HPRT1: variants seen among roughly 807,000 people sequenced by gnomAD.
HPRT1 encodes hypoxanthine-guanine phosphoribosyltransferase.
In HPRT1, 4 loss-of-function variants were observed where a neutral mutation model predicts 19.0. That is an observed-to-expected ratio of 0.21 (90% confidence interval 0.10 to 0.48). The LOEUF (loss-of-function observed/expected upper bound fraction) is 0.48. Ranked by LOEUF, HPRT1 falls within the 20% of genes least tolerant of loss-of-function variation. The pLI is 0.98. For synonymous variants in HPRT1, 53 were observed against 54.9 expected (o/e 0.97, Z 0.15); for missense variants, 65 against 164.0 (o/e 0.40, Z 3.30).
chrX:134,476,731 G>A (rs1394297111), intron 3 of HPRT1, among the ~76,000 whole-genome samples: 1 of 111,547 alleles, frequency 9.0e-6, no homozygotes, highest in Non-Finnish European at 1.9e-5. Flanking sequence ...AGCAAAATAG[G>A]GGAGTTTAAC....
intron 3 of HPRT1, among the ~76,000 whole-genome samples, chrX:134,477,024 A>G (rs1363056577): frequency 2.5e-5 from 2 of 79,078 alleles, no homozygotes; most frequent in Admixed American, 1.3e-4. Context: ...TGTTTATTTT[A>G]TTTTATTTTA....
chrX:134,480,452 ATGT>A (rs1469508947), intron 3 of HPRT1, among the ~76,000 whole-genome samples: 3 of 76,572 alleles, frequency 3.9e-5, no homozygotes, highest in African/African-American at 1.8e-4. Context: ...TTAATTAGAA[ATGT>A]TTTTTTTTTT....
intron 1 of HPRT1, among the ~76,000 whole-genome samples, chrX:134,466,083 G>A (rs902854139): frequency 9.2e-6 from 1 of 109,234 alleles, no homozygotes; most frequent in Non-Finnish European, 1.9e-5. Context: ...AGAAGAAGTC[G>A]GGAGGGTTGG....
chrX:134,460,788 C>T (rs1199715264), intron 1 of HPRT1, among the ~76,000 whole-genome samples: 1 of 109,524 alleles, frequency 9.1e-6, no homozygotes, highest in Non-Finnish European at 1.9e-5. Context: ...AAGCGACCAC[C>T]TGGGAGGGCG....
intron 6 of HPRT1, 62 bp downstream of exon 6, chrX:134,493,652 T>G: frequency 1.4e-6 from 1 of 716,931 alleles, no homozygotes; most frequent in East Asian, 3.2e-5. Flanking sequence ...AGTGATTGCT[T>G]CTTTTTAAGG....
chrX:134,497,001 T>A (rs1196444358), intron 6 of HPRT1, among the ~76,000 whole-genome samples: 4 of 112,333 alleles, frequency 3.6e-5, no homozygotes, highest in African/African-American at 1.3e-4. Context: ...TCTGTAGTTT[T>A]TTTTAAATGG....
intron 6 of HPRT1, among the ~76,000 whole-genome samples, chrX:134,497,672 C>T (rs1385064474): frequency 5.5e-5 from 6 of 110,013 alleles, no homozygotes; most frequent in African/African-American, 3.3e-5. Context: ...TGTGGCCAGG[C>T]GCGGTGGCTT....
intron 7 of HPRT1, 34 bp from the exon 8 acceptor site, chrX:134,498,574 C>G: frequency 9.3e-7 from 1 of 1,073,818 alleles, no homozygotes; most frequent in Non-Finnish European, 1.3e-6. Context: ...GTGATGTTTT[C>G]TTTATCTAAA....
intron 3 of HPRT1, among the ~76,000 whole-genome samples, chrX:134,477,185 C>T (rs1012142414): frequency 5.6e-5 from 6 of 106,648 alleles, no homozygotes; most frequent in Admixed American, 2.1e-4. Context: ...CTCAGCCTCC[C>T]GAGTAGCTGG....
rs1354134263 is a variant in HPRT1 at position 134,500,127 on chromosome X, G to A, written c.*50G>A. ...AAACATCTGGAGTCCTATTGACATC[G>A]CCAGTAAAATTATCAATGTTCTAGT... On this transcript the variant is annotated 3_prime_UTR_variant, in exon 9 of 9. Coordinates refer to ENST00000298556, the MANE Select transcript of HPRT1 (RefSeq NM_000194.3). 2.4e-6 allele frequency: 2 copies of A among 844,637 alleles called. No homozygotes were observed. The highest frequency in any genetic ancestry group is 3.6e-6 in the Non-Finnish European group (2 of 561,821). The allele number at this position is 844,637 out of a possible 1,213,427, so 69.6% of individuals were successfully genotyped here.
chrX:134,489,185 G>T (rs900058324), intron 4 of HPRT1, among the ~76,000 whole-genome samples: 2 of 111,554 alleles, frequency 1.8e-5, no homozygotes, highest in African/African-American at 6.5e-5. Context: ...CTTCAAACTT[G>T]TATTTGCATG....
chrX:134,463,849 A>G (rs1337153914), intron 1 of HPRT1, among the ~76,000 whole-genome samples: 1 of 111,766 alleles, frequency 8.9e-6, no homozygotes, highest in African/African-American at 3.3e-5. Flanking sequence ...TAATATCAAT[A>G]TTGAGCCTCA....
chrX:134,466,758 C>T lies in HPRT1; in HGVS notation c.27+6420C>T, dbSNP rs189320967. ...ACTGCCATTGCCTTGTTGGTTTACA[C>T]GGCTGTGCTAGTTCAGTAGCAGAAA... On this transcript the variant is annotated intron_variant, in intron 1 of 8. Coordinates refer to ENST00000298556, the MANE Select transcript of HPRT1 (RefSeq NM_000194.3). Among the ~76,000 whole-genome samples, 7 of 111,924 alleles carry T rather than the reference C, an allele frequency of 6.3e-5. No individual in the cohort carries two copies. In the East Asian group the frequency reaches 1.4e-3, roughly 23 times the overall value.
intron 1 of HPRT1, among the ~76,000 whole-genome samples, chrX:134,461,980 C>A (rs2077585339): frequency 9.1e-6 from 1 of 110,315 alleles, no homozygotes; most frequent in Non-Finnish European, 1.9e-5. Context: ...CTGCCAATTT[C>A]TTTTTTTTGA....
chrX:134,481,505 CTCTATCTA>C (rs35832135), intron 3 of HPRT1, among the ~76,000 whole-genome samples: 10,440 of 96,061 alleles, frequency 0.11, 477 homozygotes, highest in Non-Finnish European at 0.12. Context: ...ATCTGTCTAT[CTCTATCTA>C]TCTATCTATC....
At chrX:134,473,182 G>A (rs188866310) in intron 1 of HPRT1, among the ~76,000 whole-genome samples, 177 bp from the exon 2 acceptor site, 11 of 112,094 alleles carry the variant, frequency 9.8e-5, no homozygotes, top group East Asian at 2.8e-4. Context: ...GAACCAACCC[G>A]CCCGGCCTGT....
chrX:134,479,601 T>G (rs2077634123), intron 3 of HPRT1, among the ~76,000 whole-genome samples: 1 of 108,761 alleles, frequency 9.2e-6, no homozygotes, highest in South Asian at 4.0e-4. Flanking sequence ...TTGTTGTTGT[T>G]TTGTTTTTGT....
At chrX:134,473,875 G>A (rs1237518445) in intron 2 of HPRT1, among the ~76,000 whole-genome samples, 1 of 111,796 alleles carries the variant, frequency 8.9e-6, no homozygotes, top group Non-Finnish European at 1.9e-5. Context: ...TTGAATGCTT[G>A]CATTGTATGT....
At chrX:134,488,802 A>G (rs954431656) in intron 4 of HPRT1, among the ~76,000 whole-genome samples, 2 of 111,757 alleles carry the variant, frequency 1.8e-5, no homozygotes, top group Non-Finnish European at 3.8e-5. Flanking sequence ...GGGACCTCAT[A>G]CAAATGGGAA....
Sources: gnomAD v4.1 joint callset for allele counts (sites outside exome capture counted in the v4.1 genomes callset) on GRCh38, gnomAD v4.1.1 for gene constraint, MANE v1.5 for transcripts, NCBI Gene and HGNC (gene_info 2026-07-23, HGNC 2026-07-21) for gene names.